Variants in AUTS2 observed in about 807,000 individuals in gnomAD.
AUTS2 encodes the protein autism susceptibility gene 2 protein.
AUTS2 carries 17 observed loss-of-function variants against 112.4 expected under a neutral mutation model. That is an observed-to-expected ratio of 0.15 (90% CI 0.10 to 0.23). The LOEUF is 0.23. AUTS2 is among the 10% of genes least tolerant of loss of function. AUTS2 has a pLI of 1.00. For synonymous variants in AUTS2, 751 were observed against 702.7 expected (o/e 1.07, Z -1.09); for missense variants, 1,510 against 1,701.6 (o/e 0.89, Z 1.98).
At chr7:69,619,661 A>G (rs558047081) in intron 1 of AUTS2, among the ~76,000 whole-genome samples, 1 of 151,646 alleles carries the variant, frequency 6.6e-6, no homozygotes, top group South Asian at 2.1e-4. Flanking sequence ...CCTTGGCTCC[A>G]TGCAGCACCT....
chr7:69,607,487 C>T (rs1165226873), intron 1 of AUTS2, among the ~76,000 whole-genome samples: 1 of 152,196 alleles, frequency 6.6e-6, no homozygotes, highest in Non-Finnish European at 1.5e-5. Flanking sequence ...TGAACTGTGA[C>T]AATCTGCTTG....
At chr7:70,137,462 CTT>C (rs199730033) in intron 4 of AUTS2, among the ~76,000 whole-genome samples, 1 of 131,636 alleles carries the variant, frequency 7.6e-6, no homozygotes, top group African/African-American at 2.8e-5. Context: ...GTAGGATTTT[CTT>C]TTTTTTTTTT....
intron 4 of AUTS2, among the ~76,000 whole-genome samples, chr7:70,189,566 A>T (rs545774650): frequency 6.6e-6 from 1 of 152,346 alleles, no homozygotes; most frequent in African/African-American, 2.4e-5. Flanking sequence ...CTTGGAGGAC[A>T]ATCAGTGTAG....
intron 1 of AUTS2, among the ~76,000 whole-genome samples, chr7:69,754,124 G>A (rs1319953303): frequency 1.3e-5 from 2 of 152,146 alleles, no homozygotes; most frequent in African/African-American, 2.4e-5. Flanking sequence ...CTTCACAGGT[G>A]ACTCAACTGG....
At chr7:70,676,537 C>T (rs981190726) in intron 5 of AUTS2, among the ~76,000 whole-genome samples, 8 of 152,160 alleles carry the variant, frequency 5.3e-5, no homozygotes, top group Admixed American at 6.5e-5. Context: ...CCTGTTCCTG[C>T]TCTCTGTTGC....
intron 4 of AUTS2, among the ~76,000 whole-genome samples, chr7:70,417,272 C>T (rs569044540): frequency 2.0e-5 from 3 of 152,264 alleles, no homozygotes; most frequent in Admixed American, 1.3e-4. Context: ...GCAGAGGCAG[C>T]GGGAGAGGAA....
chr7:70,004,527 A>T (rs1799452502), intron 2 of AUTS2, among the ~76,000 whole-genome samples: 1 of 149,628 alleles, frequency 6.7e-6, no homozygotes, highest in African/African-American at 2.4e-5. Context: ...AACTACAAAA[A>T]GTTTTAAGGT....
chr7:69,649,833 G>A (rs1373391373), intron 1 of AUTS2, among the ~76,000 whole-genome samples: 1 of 152,194 alleles, frequency 6.6e-6, no homozygotes, highest in Non-Finnish European at 1.5e-5. Context: ...TGCTTCTGAA[G>A]AGTGACTCTC....
At chr7:70,286,189 C>A (rs1053592428) in intron 4 of AUTS2, among the ~76,000 whole-genome samples, 1 of 152,116 alleles carries the variant, frequency 6.6e-6, no homozygotes, top group East Asian at 1.9e-4. Context: ...TCATTGGCAG[C>A]GTAAAAATGG....
intron 4 of AUTS2, among the ~76,000 whole-genome samples, chr7:70,429,784 T>C (rs1289410197): frequency 6.6e-6 from 1 of 152,246 alleles, no homozygotes; most frequent in Non-Finnish European, 1.5e-5. Context: ...TGACTTTTTA[T>C]TATATTTTAC....
intron 4 of AUTS2, among the ~76,000 whole-genome samples, chr7:70,220,360 A>G (rs1021517927): frequency 3.9e-5 from 6 of 152,212 alleles, no homozygotes; most frequent in Admixed American, 6.5e-5. Flanking sequence ...TACCTGCTGC[A>G]TGCCAGCGTC....
chr7:70,269,603 G>T (rs1443164990), intron 4 of AUTS2, among the ~76,000 whole-genome samples: 1 of 152,168 alleles, frequency 6.6e-6, no homozygotes, highest in Non-Finnish European at 1.5e-5. Flanking sequence ...GAAGATAATA[G>T]CGCCTGTCTT....
chr7:69,794,462 T>C (rs1023209316), intron 1 of AUTS2, among the ~76,000 whole-genome samples: 1 of 152,202 alleles, frequency 6.6e-6, no homozygotes, highest in Non-Finnish European at 1.5e-5. Context: ...TATGTTTCTG[T>C]GTTCTTGCAG....
chr7:70,361,209 CG>C (rs898446320), intron 4 of AUTS2, among the ~76,000 whole-genome samples: 1 of 151,902 alleles, frequency 6.6e-6, no homozygotes, highest in African/African-American at 2.4e-5. Context: ...GGCGGACGCC[CG>C]TAGTCCCAGC....
intron 2 of AUTS2, among the ~76,000 whole-genome samples, chr7:69,974,804 T>C (rs1797991033): frequency 1.3e-5 from 2 of 152,226 alleles, no homozygotes; most frequent in Admixed American, 6.5e-5. Context: ...GCTCTTTAAG[T>C]TGACACATAA....
chr7:70,164,135 C>G (rs190442746), intron 4 of AUTS2, among the ~76,000 whole-genome samples: 5 of 152,084 alleles, frequency 3.3e-5, no homozygotes, highest in Non-Finnish European at 7.4e-5. Flanking sequence ...ACTTTCATTT[C>G]TATATAGATT....
chr7:70,728,846 G>C (rs1014049373), intron 6 of AUTS2, among the ~76,000 whole-genome samples: 11 of 152,092 alleles, frequency 7.2e-5, no homozygotes, highest in African/African-American at 2.7e-4. Context: ...GCCTGAGTAA[G>C]AGTGCCAAGG....
intron 2 of AUTS2, among the ~76,000 whole-genome samples, chr7:69,968,145 T>A (rs79764872): frequency 0.083 from 12,689 of 152,220 alleles, 609 homozygotes; most frequent in East Asian, 0.13. Context: ...GTTACAAAGG[T>A]AGATATATTT....
intron 5 of AUTS2, among the ~76,000 whole-genome samples, chr7:70,665,071 T>C (rs1322673024): frequency 6.6e-6 from 1 of 151,960 alleles, no homozygotes. Context: ...AGACCCTGTC[T>C]CAAAAGAAAG....
Sources: gnomAD v4.1 joint callset for allele counts (sites outside exome capture counted in the v4.1 genomes callset) on GRCh38, gnomAD v4.1.1 for gene constraint, MANE v1.5 for transcripts, NCBI Gene and HGNC (gene_info 2026-07-23, HGNC 2026-07-21) for gene names.